MAF: variants seen among roughly 807,000 people sequenced by gnomAD.
MAF encodes MAF bZIP transcription factor.
MAF carries 10 observed loss-of-function variants against 22.0 expected under a neutral mutation model. That is an observed-to-expected ratio of 0.45 (90% CI 0.28 to 0.77). MAF has a LOEUF of 0.77. Among genes scored for constraint, MAF ranks in the 30% least tolerant of loss-of-function variants. The pLI is 0.12. For missense variants in MAF, 544 were observed against 548.4 expected (o/e 0.99, Z 0.08); for synonymous variants, 337 against 255.8 (o/e 1.32, Z -3.03).
the MAF span, among the ~76,000 whole-genome samples, chr16:79,549,944 C>A: frequency 6.6e-6 from 1 of 152,032 alleles, no homozygotes; most frequent in African/African-American, 2.4e-5. Flanking sequence ...GTTTAAGCAC[C>A]AATTAACTGA....
the MAF span, among the ~76,000 whole-genome samples, chr16:79,226,410 G>C: frequency 1.3e-5 from 2 of 152,110 alleles, no homozygotes; most frequent in Non-Finnish European, 2.9e-5. Flanking sequence ...GATAGCATTA[G>C]GAGACATACC....
chr16:79,289,011 T>G, the MAF span, among the ~76,000 whole-genome samples: 1 of 152,216 alleles, frequency 6.6e-6, no homozygotes, highest in East Asian at 1.9e-4. Context: ...ATTACAGGCG[T>G]AAGCCACTGC....
the MAF span, among the ~76,000 whole-genome samples, chr16:79,472,073 C>G: frequency 0.36 from 54,230 of 152,000 alleles, 11,379 homozygotes; most frequent in Middle Eastern, 0.47. Flanking sequence ...CCCTCTCTTT[C>G]CTTTGCTCTG....
the MAF span, among the ~76,000 whole-genome samples, chr16:79,540,943 A>G: frequency 2.5e-4 from 38 of 152,140 alleles, no homozygotes; most frequent in African/African-American, 8.4e-4. Context: ...CACTACTACT[A>G]TTGCTATTAC....
the MAF span, among the ~76,000 whole-genome samples, chr16:79,308,889 G>A: frequency 3.1e-4 from 47 of 152,278 alleles, no homozygotes; most frequent in Middle Eastern, 6.8e-3. Context: ...TCTGGGAGAC[G>A]GGAGAATATA....
chr16:79,349,250 C>G, the MAF span, among the ~76,000 whole-genome samples: 1 of 152,184 alleles, frequency 6.6e-6, no homozygotes, highest in African/African-American at 2.4e-5. Context: ...GTCTGAATCC[C>G]ATATTGTCCT....
intron 1 of MAF, chr16:79,596,902 T>G (rs182332185): frequency 9.5e-7 from 1 of 1,049,998 alleles, no homozygotes; most frequent in Admixed American, 5.5e-5. Context: ...TTTTGTATTA[T>G]ATGCTTGCAG....
At chr16:79,526,792 G>A in the MAF span, among the ~76,000 whole-genome samples, 1 of 152,064 alleles carries the variant, frequency 6.6e-6, no homozygotes, top group Non-Finnish European at 1.5e-5. Context: ...CACCAAACGT[G>A]GAGTTAGGAA....
chr16:79,282,700 A>C, the MAF span, among the ~76,000 whole-genome samples: 2 of 152,178 alleles, frequency 1.3e-5, no homozygotes, highest in African/African-American at 2.4e-5. Context: ...TCCAATCAAA[A>C]CTGTAAGTAG....
the MAF span, among the ~76,000 whole-genome samples, chr16:79,512,777 T>C: frequency 2.0e-5 from 3 of 152,216 alleles, no homozygotes; most frequent in African/African-American, 7.2e-5. Flanking sequence ...TTTGCTGGTA[T>C]TGATTTCACT....
chr16:79,242,765 C>G, the MAF span, among the ~76,000 whole-genome samples: 3 of 151,914 alleles, frequency 2.0e-5, no homozygotes, highest in Admixed American at 6.6e-5. Flanking sequence ...TTTTCAGCAC[C>G]ACATTGCACT....
chr16:79,278,769 CAG>C, the MAF span, among the ~76,000 whole-genome samples: 10 of 152,266 alleles, frequency 6.6e-5, no homozygotes, highest in Middle Eastern at 3.4e-3. Flanking sequence ...CCCGCCCTGA[CAG>C]GGGGACAGGA....
chr16:79,334,433 G>A, the MAF span, among the ~76,000 whole-genome samples: 2 of 152,276 alleles, frequency 1.3e-5, no homozygotes, highest in South Asian at 2.1e-4. Flanking sequence ...TCTAGGGGGC[G>A]CTGACTGAGA....
chr16:79,406,502 A>C, the MAF span, among the ~76,000 whole-genome samples: 1 of 152,164 alleles, frequency 6.6e-6, no homozygotes, highest in Admixed American at 6.5e-5. Flanking sequence ...TGGTGCCTTC[A>C]AGCCATGTTC....
the MAF span, among the ~76,000 whole-genome samples, chr16:79,310,930 G>T: frequency 6.6e-6 from 1 of 152,200 alleles, no homozygotes; most frequent in South Asian, 2.1e-4. Context: ...CTGAGCGTGA[G>T]GGCTGTGCTG....
At chr16:79,581,067 G>C (rs920398417), downstream of MAF, among the ~76,000 whole-genome samples, 5 of 152,094 alleles carry the variant, frequency 3.3e-5, no homozygotes, top group African/African-American at 9.7e-5. Flanking sequence ...AGACTCACAC[G>C]CCTTCTAAAA....
At chr16:79,365,003 C>G in the MAF span, among the ~76,000 whole-genome samples, 2 of 152,154 alleles carry the variant, frequency 1.3e-5, no homozygotes, top group African/African-American at 2.4e-5. Context: ...AGAGGCAAGA[C>G]AAAAGAAAAT....
chr16:79,250,759 C>T, the MAF span, among the ~76,000 whole-genome samples: 5 of 152,200 alleles, frequency 3.3e-5, no homozygotes, highest in Non-Finnish European at 5.9e-5. Context: ...AAATCCGTTA[C>T]GCATTGATTC....
the MAF span, among the ~76,000 whole-genome samples, chr16:79,492,362 C>G: frequency 6.6e-6 from 1 of 152,124 alleles, no homozygotes; most frequent in Non-Finnish European, 1.5e-5. Context: ...AAATGCAAAA[C>G]AATCCATGAT....
Sources: allele counts gnomAD v4.1 joint callset (sites outside exome capture counted in the v4.1 genomes callset), GRCh38; gene constraint gnomAD v4.1.1; transcripts MANE v1.5; gene names NCBI Gene and HGNC (gene_info 2026-07-23, HGNC 2026-07-21).